The following NRXN1 variants were observed in gnomAD, a reference collection of about 807,000 sequenced individuals.
NRXN1 encodes neurexin-1.
Under a neutral mutation model 150.9 loss-of-function variants are expected in NRXN1, and 39 were observed. The observed-to-expected ratio is 0.26, with a 90% CI of 0.20 to 0.34. The LOEUF is 0.34. Ranked by LOEUF, NRXN1 falls within the 10% of genes least tolerant of loss-of-function variation. NRXN1 has a pLI of 1.00. For synonymous variants in NRXN1, 924 were observed against 757.0 expected (o/e 1.22, Z -3.62); for missense variants, 1,815 against 1,949.9 (o/e 0.93, Z 1.30).
At chr2:50,700,575 A>G (rs1430929606) in intron 5 of NRXN1, among the ~76,000 whole-genome samples, 3 of 152,198 alleles carry the variant, frequency 2.0e-5, no homozygotes, top group Non-Finnish European at 4.4e-5. Context: ...TAATAGCACC[A>G]AGGTAACAAG....
At chr2:50,724,763 T>C (rs1281493681) in intron 5 of NRXN1, among the ~76,000 whole-genome samples, 1 of 151,688 alleles carries the variant, frequency 6.6e-6, no homozygotes, top group Non-Finnish European at 1.5e-5. Context: ...AATACATATG[T>C]GTGTGTGTGA....
intron 2 of NRXN1, among the ~76,000 whole-genome samples, chr2:50,976,574 A>G (rs979931515): frequency 6.6e-6 from 1 of 152,048 alleles, no homozygotes; most frequent in African/African-American, 2.4e-5. Flanking sequence ...GGAATCTTCT[A>G]AAGTAAAAAT....
chr2:51,003,708 G>A (rs973828538), intron 2 of NRXN1, among the ~76,000 whole-genome samples: 2 of 151,876 alleles, frequency 1.3e-5, no homozygotes, highest in African/African-American at 2.4e-5. Context: ...ACACACAATA[G>A]TAACATATTT....
chr2:50,403,490 T>G (rs2082534166), intron 17 of NRXN1, among the ~76,000 whole-genome samples: 1 of 152,190 alleles, frequency 6.6e-6, no homozygotes, highest in African/African-American at 2.4e-5. Flanking sequence ...AAGCTTTCTC[T>G]GGCAATACAT....
chr2:50,016,084 T>C (rs2152552511), intron 21 of NRXN1, among the ~76,000 whole-genome samples: 1 of 152,306 alleles, frequency 6.6e-6, no homozygotes, highest in African/African-American at 2.4e-5. Context: ...TAAGGATCTT[T>C]TTATTTTATT....
At chr2:50,107,932 T>C (rs537390985) in intron 18 of NRXN1, among the ~76,000 whole-genome samples, 3 of 152,100 alleles carry the variant, frequency 2.0e-5, no homozygotes, top group South Asian at 4.1e-4. Context: ...GATGCCATTA[T>C]TACCTTCACT....
At chr2:50,915,832 T>C (rs921249848) in intron 5 of NRXN1, among the ~76,000 whole-genome samples, 1 of 151,062 alleles carries the variant, frequency 6.6e-6, no homozygotes, top group Non-Finnish European at 1.5e-5. Flanking sequence ...CAATTTGTCA[T>C]GTAACATTAG....
chr2:50,577,698 T>C (rs946113513), intron 8 of NRXN1, among the ~76,000 whole-genome samples: 11 of 148,472 alleles, frequency 7.4e-5, no homozygotes, highest in Non-Finnish European at 7.4e-5. Flanking sequence ...ACGGTAATAG[T>C]ACCTGACTGA....
chr2:50,885,979 C>A (rs1680180660), intron 5 of NRXN1, among the ~76,000 whole-genome samples: 2 of 151,198 alleles, frequency 1.3e-5, no homozygotes, highest in African/African-American at 4.8e-5. Flanking sequence ...GGGAATTCAC[C>A]CCACAGACTA....
intron 17 of NRXN1, among the ~76,000 whole-genome samples, chr2:50,268,726 C>A (rs371344074): frequency 6.6e-6 from 1 of 152,124 alleles, no homozygotes; most frequent in African/African-American, 2.4e-5. Context: ...TCAATTGATT[C>A]GTGTTATCTT....
intron 21 of NRXN1, among the ~76,000 whole-genome samples, chr2:50,047,943 C>T (rs1461150354): frequency 1.3e-5 from 2 of 152,030 alleles, no homozygotes; most frequent in Admixed American, 1.3e-4. Context: ...TTATCTCGGA[C>T]TAGCTTTGTG....
intron 3 of NRXN1, among the ~76,000 whole-genome samples, chr2:50,924,951 T>C (rs1429441825): frequency 2.0e-5 from 3 of 151,734 alleles, no homozygotes; most frequent in African/African-American, 7.2e-5. Flanking sequence ...AAATCCTTCA[T>C]TCTATGGAAA....
chr2:50,223,018 G>A (rs2064024263), intron 18 of NRXN1, among the ~76,000 whole-genome samples: 1 of 151,688 alleles, frequency 6.6e-6, no homozygotes, highest in African/African-American at 2.4e-5. Flanking sequence ...TTTAAAATAT[G>A]GGCTTTCCTG....
At chr2:50,988,306 T>C (rs1214629028) in intron 2 of NRXN1, among the ~76,000 whole-genome samples, 1 of 152,004 alleles carries the variant, frequency 6.6e-6, no homozygotes, top group African/African-American at 2.4e-5. Flanking sequence ...AGTACTCACC[T>C]TGAAATAATA....
At chr2:50,201,992 C>T (rs1349818982) in intron 18 of NRXN1, among the ~76,000 whole-genome samples, 1 of 152,172 alleles carries the variant, frequency 6.6e-6, no homozygotes, top group Non-Finnish European at 1.5e-5. Flanking sequence ...TTATTCAATA[C>T]ATTGTTACTG....
intron 2 of NRXN1, among the ~76,000 whole-genome samples, chr2:50,961,443 C>G (rs1693179181): frequency 6.6e-6 from 1 of 151,662 alleles, no homozygotes; most frequent in Admixed American, 6.6e-5. Context: ...AATAATTGTA[C>G]TATACTGACC....
intron 9 of NRXN1, among the ~76,000 whole-genome samples, chr2:50,540,617 A>T (rs1216455546): frequency 6.6e-6 from 1 of 152,100 alleles, no homozygotes; most frequent in Non-Finnish European, 1.5e-5. Flanking sequence ...AGCACATATT[A>T]TCATGGAAAG....
At chr2:50,380,773 A>T (rs1007147423) in intron 17 of NRXN1, among the ~76,000 whole-genome samples, 1 of 152,176 alleles carries the variant, frequency 6.6e-6, no homozygotes, top group African/African-American at 2.4e-5. Context: ...TTACCATAAC[A>T]AAGCCTGATG....
At chr2:50,100,639 C>T (rs1279641317) in intron 18 of NRXN1, among the ~76,000 whole-genome samples, 1 of 151,990 alleles carries the variant, frequency 6.6e-6, no homozygotes, top group Admixed American at 6.6e-5. Context: ...ATCATCAAGC[C>T]TTTTCGTGAT....
Sources: gnomAD v4.1 joint callset for allele counts (sites outside exome capture counted in the v4.1 genomes callset) on GRCh38, gnomAD v4.1.1 for gene constraint, MANE v1.5 for transcripts, NCBI Gene and HGNC (gene_info 2026-07-23, HGNC 2026-07-21) for gene names.